The following WWOX variants were observed in gnomAD, a reference collection of about 807,000 sequenced individuals.
WWOX encodes WW domain containing oxidoreductase.
A neutral mutation model predicts 46.2 loss-of-function variants in WWOX; 69 were observed. That is an observed-to-expected ratio of 1.49 (90% confidence interval 1.23 to 1.82). The LOEUF is 1.82. Among genes scored for constraint, WWOX ranks in the 40% most tolerant of loss-of-function variants. The pLI is 0.00. For missense variants in WWOX, 919 were observed against 542.6 expected (o/e 1.69, Z -6.89); for synonymous variants, 359 against 202.6 (o/e 1.77, Z -6.56).
At chr16:78,229,022 G>A (rs952060498) in intron 5 of WWOX, among the ~76,000 whole-genome samples, 13 of 152,062 alleles carry the variant, frequency 8.5e-5, no homozygotes, top group Non-Finnish European at 5.9e-5. Flanking sequence ...TTATGCCAGG[G>A]CTGGTTTGTG....
At chr16:78,159,672 GTT>G (rs35468343) in intron 4 of WWOX, among the ~76,000 whole-genome samples, 8,544 of 55,268 alleles carry the variant, frequency 0.15, 288 homozygotes, top group East Asian at 0.25. Flanking sequence ...AAAATCTGTG[GTT>G]TTTTTTTTTT....
At chr16:78,346,490 G>A (rs2151903337) in intron 5 of WWOX, among the ~76,000 whole-genome samples, 1 of 120,298 alleles carries the variant, frequency 8.3e-6, no homozygotes, top group African/African-American at 2.8e-5. Context: ...CTTCCCTAAA[G>A]TGGTCATCCC....
At chr16:78,808,322 C>T (rs1288260695) in intron 8 of WWOX, among the ~76,000 whole-genome samples, 1 of 152,208 alleles carries the variant, frequency 6.6e-6, no homozygotes, top group Non-Finnish European at 1.5e-5. Context: ...ATGGCCACTT[C>T]AAACCTGTAT....
chr16:78,939,390 T>C (rs1402542711), intron 8 of WWOX, among the ~76,000 whole-genome samples: 7 of 152,338 alleles, frequency 4.6e-5, no homozygotes, highest in Admixed American at 3.9e-4. Flanking sequence ...GAATTTTCTT[T>C]TTGTGCATTA....
chr16:78,818,163 G>A (rs887051462), intron 8 of WWOX, among the ~76,000 whole-genome samples: 4 of 152,202 alleles, frequency 2.6e-5, no homozygotes, highest in African/African-American at 9.6e-5. Context: ...GGAAGGATGT[G>A]CCCTTGCAGA....
At chr16:78,622,817 G>T (rs1372179719) in intron 8 of WWOX, among the ~76,000 whole-genome samples, 1 of 152,216 alleles carries the variant, frequency 6.6e-6, no homozygotes, top group Non-Finnish European at 1.5e-5. Flanking sequence ...CAGATTTTGA[G>T]TTAATGAGCA....
intron 5 of WWOX, among the ~76,000 whole-genome samples, chr16:78,227,439 A>C (rs1024082429): frequency 6.6e-6 from 1 of 152,228 alleles, no homozygotes; most frequent in Admixed American, 6.5e-5. Context: ...CTCTGAAAAT[A>C]TCTCTCATTC....
At chr16:79,040,880 A>T (rs1175611814) in intron 8 of WWOX, among the ~76,000 whole-genome samples, 2 of 152,084 alleles carry the variant, frequency 1.3e-5, no homozygotes, top group African/African-American at 2.4e-5. Context: ...GCTGTTGCCC[A>T]GCCAATTTGC....
intron 5 of WWOX, among the ~76,000 whole-genome samples, chr16:78,371,243 C>G (rs568055805): frequency 6.6e-6 from 1 of 152,172 alleles, no homozygotes; most frequent in Admixed American, 6.5e-5. Context: ...TCTTGTGCAT[C>G]CACTTCCTAG....
chr16:78,901,837 C>T lies in WWOX; in HGVS notation c.1057-309771C>T, dbSNP rs574367218. Among the ~76,000 whole-genome samples, 7 of 152,182 alleles carry T rather than the reference C, an allele frequency of 4.6e-5. No homozygotes were observed. The South Asian group carries it at 1.2e-3, about 27-fold the overall frequency. Reference sequence around the variant, plus strand: ...GGTGTACAATCCAAGTCTGTCGCTGCCCAGGATAGAGGAGGGATGACGTGA... The same window carrying T: ...GGTGTACAATCCAAGTCTGTCGCTGTCCAGGATAGAGGAGGGATGACGTGA... On this transcript the variant is annotated intron_variant, in intron 8 of 8. Transcript: ENST00000566780.
At chr16:78,827,448 T>A (rs1196447195) in intron 8 of WWOX, among the ~76,000 whole-genome samples, 1 of 149,732 alleles carries the variant, frequency 6.7e-6, no homozygotes, top group Non-Finnish European at 1.5e-5. Context: ...AAGGCTGTTT[T>A]CTGTTCTGCA....
intron 8 of WWOX, among the ~76,000 whole-genome samples, chr16:78,489,734 T>C (rs1016434152): frequency 1.3e-5 from 2 of 152,050 alleles, no homozygotes; most frequent in Non-Finnish European, 2.9e-5. Flanking sequence ...CCGTTCTGGG[T>C]TCACTGGGAT....
intron 8 of WWOX, among the ~76,000 whole-genome samples, chr16:78,640,841 A>T (rs1297352324): frequency 6.6e-6 from 1 of 151,274 alleles, no homozygotes; most frequent in Non-Finnish European, 1.5e-5. Flanking sequence ...CGGGAGGGTG[A>T]GGCAGGGGAA....
chr16:78,975,600 G>A (rs1046338684), intron 8 of WWOX, among the ~76,000 whole-genome samples: 5 of 151,952 alleles, frequency 3.3e-5, no homozygotes, highest in Admixed American at 1.3e-4. Context: ...TATATGCCTC[G>A]TAAATGAAAG....
chr16:78,120,828 C>T (rs1478091544), intron 4 of WWOX, among the ~76,000 whole-genome samples: 1 of 152,144 alleles, frequency 6.6e-6, no homozygotes, highest in African/African-American at 2.4e-5. Flanking sequence ...ACTTTTTCTT[C>T]ATGTAGAGAA....
At position 79,211,944 on chromosome 16, in the gene WWOX, T is replaced by A; in HGVS notation, c.*148T>A. The A allele has an allele frequency of 3.9e-6, 6 of 1,537,268 alleles. No individual in the cohort carries two copies. The highest frequency in any genetic ancestry group is 5.2e-6 in the Non-Finnish European group (6 of 1,147,068). On this transcript the variant is annotated 3_prime_UTR_variant, in exon 9 of 9. Coordinates refer to ENST00000566780, the MANE Select transcript of WWOX (RefSeq NM_016373.4). ...AGCAGTCACAACAGAGTGAAAAATC[T>A]TAAGTACCAATGGGAAGCAGGGAAT...
intron 8 of WWOX, among the ~76,000 whole-genome samples, chr16:78,504,042 A>G (rs2085133989): frequency 6.6e-6 from 1 of 152,090 alleles, no homozygotes. Flanking sequence ...GATGTCAGTC[A>G]GGGGGAAAAA....
At chr16:78,452,538 G>A (rs1476702261) in intron 8 of WWOX, among the ~76,000 whole-genome samples, 1 of 146,292 alleles carries the variant, frequency 6.8e-6, no homozygotes, top group African/African-American at 2.6e-5. Flanking sequence ...GTGCAGTGGC[G>A]GATCTTGGCT....
chr16:78,222,349 A>AC (rs1231139216), intron 5 of WWOX, among the ~76,000 whole-genome samples: 1 of 151,192 alleles, frequency 6.6e-6, no homozygotes, highest in Admixed American at 6.6e-5. Context: ...TAATAGAAAA[A>AC]AAAAAAAAAA....
Sources: allele counts gnomAD v4.1 joint callset (sites outside exome capture counted in the v4.1 genomes callset), GRCh38; gene constraint gnomAD v4.1.1; transcripts MANE v1.5; gene names NCBI Gene and HGNC (gene_info 2026-07-23, HGNC 2026-07-21).